The following LRIG2 variants were observed in gnomAD, a reference collection of about 807,000 sequenced individuals.
LRIG2 encodes leucine rich repeats and immunoglobulin like domains 2, also known as leucine-rich repeats and immunoglobulin-like domains protein 2.
A neutral mutation model predicts 107.8 loss-of-function variants in LRIG2; 93 were observed. That is an observed-to-expected ratio of 0.86 (90% confidence interval 0.73 to 1.03). The LOEUF (loss-of-function observed/expected upper bound fraction) is 1.03. Ranked by LOEUF, LRIG2 falls within the 50% of genes least tolerant of loss-of-function variation. The probability of loss-of-function intolerance (pLI) is 0.00; values close to 1 mark genes in which losing one functional copy is unlikely to be tolerated. For missense variants in LRIG2, 1,226 were observed against 1,296.0 expected, an observed-to-expected ratio of 0.95 and a Z score of 0.83; for synonymous variants, 471 against 470.6, an observed-to-expected ratio of 1.00 and a Z score of -0.01.
Position 113,124,513 on chromosome 1 carries a change from CT to C in LRIG2, c.*415del, listed in dbSNP as rs1655406798. 5.1e-6 allele frequency: 1 copy of C among 194,958 alleles called. No individual in the cohort carries two copies. The allele number at this position is 194,958 out of a possible 1,614,324, so 12.1% of individuals were successfully genotyped here. A position where few individuals can be genotyped will look rare whatever the true frequency, so the allele number is the denominator to read the frequency against. ...TTTGCTTTCCAAGGAGCAAAAATAACTTTGGAGCCTTCTGGGAAGTGTGCCT... is the reference window on the plus strand; with the variant it reads ...TTTGCTTTCCAAGGAGCAAAAATAACTTGGAGCCTTCTGGGAAGTGTGCCT... On this transcript the variant is annotated 3_prime_UTR_variant, in exon 18 of 18. Coordinates refer to ENST00000361127, the MANE Select transcript of LRIG2 (RefSeq NM_014813.3).
At chr1:113,094,083 G>A (rs747536370) in intron 4 of LRIG2, among the ~76,000 whole-genome samples, 1 of 152,170 alleles carries the variant, frequency 6.6e-6, no homozygotes, top group Non-Finnish European at 1.5e-5. Context: ...TGTATATAAT[G>A]ATAATTAGCA....
In LRIG2 at chr1:113,130,525, C is replaced by T. The variant is rs1365646348; in HGVS notation, c.*6424C>T. The T allele has an allele frequency of 1.3e-5, 2 of 152,088 alleles. No individual in the cohort carries two copies. Among genetic ancestry groups the T allele is most frequent in the African/African-American group, 4.8e-5 (2 of 41,396 alleles). 9.4% of individuals were successfully genotyped at this position (152,088 alleles called of 1,614,324 possible). On this transcript the variant is annotated 3_prime_UTR_variant, in exon 18 of 18. Transcript: ENST00000361127. ...TGTGTAGGCTCTTTAGTAAATTTAT[C>T]TGATAATGGAATAATCAGCCTTTTT...
intron 3 of LRIG2, 60 bp from the exon 4 acceptor site, chr1:113,093,370 C>G: frequency 1.9e-6 from 3 of 1,580,250 alleles, no homozygotes; most frequent in Non-Finnish European, 2.6e-6. Context: ...TTCTAATTAA[C>G]ATTTTTGTGG....
In LRIG2 at chr1:113,096,241, CT is replaced by C; in HGVS notation, c.968del (p.Leu323ArgfsTer12). The C allele has an allele frequency of 6.2e-7, 1 of 1,613,894 alleles. No homozygotes were observed. The highest frequency in any genetic ancestry group is 1.6e-4 in the Middle Eastern group (1 of 6,062). On this transcript the variant is annotated frameshift_variant, in exon 8 of 18. Transcript: ENST00000361127. LOFTEE classifies it high-confidence loss of function. ...TTTCAGTGATTTGTCCTATAACCAG[CT>C]GACCCGCCTGGATGAATCTGCCTTT... ...LSELDLSYNQLTRLDESAFVG... is the reference protein window; with the variant it reads ...LSELDLSYNQXTRLDESAFVG...
At chr1:113,091,158 A>G (rs1653803950) in intron 1 of LRIG2, among the ~76,000 whole-genome samples, 160 bp from the exon 2 acceptor site, 1 of 152,146 alleles carries the variant, frequency 6.6e-6, no homozygotes, top group African/African-American at 2.4e-5. Context: ...TTCTGACCTC[A>G]GGTGATCTGC....
At chr1:113,108,513 C>T (rs555451117) in intron 12 of LRIG2, among the ~76,000 whole-genome samples, 47 of 151,530 alleles carry the variant, frequency 3.1e-4, no homozygotes, top group Admixed American at 9.2e-4. Context: ...TGTGAGCCAC[C>T]GTGCCCAGAC....
intron 1 of LRIG2, among the ~76,000 whole-genome samples, chr1:113,081,885 A>G (rs1181341081): frequency 4.6e-5 from 7 of 152,344 alleles, no homozygotes; most frequent in African/African-American, 1.7e-4. Flanking sequence ...ACATAATCTC[A>G]TGTAATAGAA....
At chr1:113,123,724 T>TG in intron 17 of LRIG2, 151 bp from the exon 18 acceptor site, 1 of 573,930 alleles carries the variant, frequency 1.7e-6, no homozygotes, top group Middle Eastern at 4.4e-4. Context: ...CTGGTGGTGG[T>TG]TTTTGTGTGT....
At chr1:113,088,266 A>G (rs892184174) in intron 1 of LRIG2, among the ~76,000 whole-genome samples, 46 of 152,158 alleles carry the variant, frequency 3.0e-4, no homozygotes, top group African/African-American at 1.1e-3. Flanking sequence ...AGAGGCTGCA[A>G]AGCATTTCAG....
intron 1 of LRIG2, among the ~76,000 whole-genome samples, chr1:113,088,671 C>T (rs1653661634): frequency 6.6e-6 from 1 of 152,186 alleles, no homozygotes; most frequent in Non-Finnish European, 1.5e-5. Flanking sequence ...TAGCCTGCTA[C>T]ACAGATGATA....
At chr1:113,083,890 T>G (rs1159521703) in intron 1 of LRIG2, among the ~76,000 whole-genome samples, 1 of 146,952 alleles carries the variant, frequency 6.8e-6, no homozygotes, top group Non-Finnish European at 1.5e-5. Flanking sequence ...CATTAGGAGA[T>G]ATACCTAATG....
In LRIG2 at chr1:113,107,579, T is replaced by C; in HGVS notation, c.1314-15T>C. The C allele has an allele frequency of 1.3e-6, 2 of 1,599,756 alleles. No individual in the cohort carries two copies. The highest frequency in any genetic ancestry group is 1.7e-6 in the Non-Finnish European group (2 of 1,176,092). On this transcript the variant is annotated splice_polypyrimidine_tract_variant and intron_variant, in intron 11 of 17. Transcript: ENST00000361127. ...AGTAAAACAAAGGATGCTTTTCCTC[T>C]TTTCTTTCCTGCAGGATTCTGAACA...
chr1:113,081,901 A>G (rs1653306363), intron 1 of LRIG2, among the ~76,000 whole-genome samples: 1 of 152,230 alleles, frequency 6.6e-6, no homozygotes, highest in Non-Finnish European at 1.5e-5. Context: ...TAGAAAGATT[A>G]TCTTTTTTAG....
chr1:113,088,048 CTT>C (rs1411220980), intron 1 of LRIG2, among the ~76,000 whole-genome samples: 7 of 152,202 alleles, frequency 4.6e-5, no homozygotes, highest in African/African-American at 1.4e-4. Flanking sequence ...CACTTGATAA[CTT>C]AAAACAGTTG....
At chr1:113,113,751 C>CG (rs777085911) in intron 14 of LRIG2, among the ~76,000 whole-genome samples, 2 of 151,582 alleles carry the variant, frequency 1.3e-5, no homozygotes, top group East Asian at 1.9e-4. Context: ...TTTTTAGAGA[C>CG]GGGGTTTCAC....
rs751770841 is a variant in LRIG2, at chr1:113,120,505, A to ATTTT, written c.2971+999_2971+1002dup. Among the ~76,000 whole-genome samples the ATTTT allele has an allele frequency of 2.6e-3, 324 of 126,204 alleles. 1 individual carries two copies. The highest frequency in any genetic ancestry group is 2.7e-3 in the Admixed American group (33 of 12,106). 82.8% of individuals were successfully genotyped at this position (126,204 alleles called of 152,430 possible). ...TTTGGTGATGGTTTTTACTGAGAAG[A>ATTTT]TTTTTTTTTTTTTTTTTTTTGGGAA... On this transcript the variant is annotated intron_variant, in intron 17 of 17. Coordinates refer to ENST00000361127, the MANE Select transcript of LRIG2 (RefSeq NM_014813.3).
chr1:113,110,407 TTG>T lies in LRIG2; in HGVS notation c.1645_1646del (p.Val549SerfsTer14). On this transcript the variant is annotated frameshift_variant, in exon 13 of 18. Transcript: ENST00000361127. LOFTEE classifies it high-confidence loss of function. ...CTGTATGACGTGGATACTGAGAATTTTGTTCGTTATTGGCAGCAAGCTGGAGA... is the reference window on the plus strand; with the variant it reads ...CTGTATGACGTGGATACTGAGAATTTTTCGTTATTGGCAGCAAGCTGGAGA... The T allele has an allele frequency of 6.2e-7, 1 of 1,614,190 alleles. No individual in the cohort carries two copies. The highest frequency in any genetic ancestry group is 8.5e-7 in the Non-Finnish European group (1 of 1,180,026).
intron 2 of LRIG2, 35 bp downstream of exon 2, chr1:113,091,418 A>G: frequency 3.8e-6 from 5 of 1,324,406 alleles, no homozygotes; most frequent in Non-Finnish European, 5.3e-6. Flanking sequence ...GTTATGTTAA[A>G]TTCCTGAGGG....
intron 17 of LRIG2, among the ~76,000 whole-genome samples, chr1:113,121,921 A>G (rs1655273266): frequency 6.6e-6 from 1 of 152,048 alleles, no homozygotes; most frequent in Non-Finnish European, 1.5e-5. Context: ...TAGGACTTGG[A>G]ACATTCAAGA....
Sources: allele counts gnomAD v4.1 joint callset (sites outside exome capture counted in the v4.1 genomes callset), GRCh38; gene constraint gnomAD v4.1.1; transcripts MANE v1.5; gene names NCBI Gene and HGNC (gene_info 2026-07-23, HGNC 2026-07-21).